ATXN7L1: variants seen among roughly 807,000 people sequenced by gnomAD.
ATXN7L1 encodes ataxin 7 like 1.
A neutral mutation model predicts 70.8 loss-of-function variants in ATXN7L1; 15 were observed. The ratio of observed to expected loss-of-function variants is 0.21; its 90% CI spans 0.14 to 0.33. The LOEUF is 0.33. ATXN7L1 is among the 10% of genes least tolerant of loss of function. The pLI is 1.00. For synonymous variants in ATXN7L1, 440 were observed against 445.1 expected, an observed-to-expected ratio of 0.99 and a Z score of 0.14; for missense variants, 975 against 1,097.1, an observed-to-expected ratio of 0.89 and a Z score of 1.57.
chr7:105,807,367 C>T (rs1807764113), intron 2 of ATXN7L1, among the ~76,000 whole-genome samples: 1 of 152,212 alleles, frequency 6.6e-6, no homozygotes, highest in Non-Finnish European at 1.5e-5. Context: ...CTCCACTGCA[C>T]TTCCCTGCCT....
chr7:105,630,685 C>G (rs1796454171), intron 7 of ATXN7L1, among the ~76,000 whole-genome samples: 1 of 151,342 alleles, frequency 6.6e-6, no homozygotes, highest in African/African-American at 2.4e-5. Context: ...CCACTGCACT[C>G]TAGCCTGGGG....
Position 105,614,177 on chromosome 7 carries a change from C to A in ATXN7L1, c.2157G>T (p.Arg719=), listed in dbSNP as rs750611744. Residue 719 remains arginine (R), a synonymous_variant, in exon 10 of 12, where the codon CGG becomes CGT. Coordinates refer to ENST00000419735, the MANE Select transcript of ATXN7L1 (RefSeq NM_020725.2). The surrounding 1 kb of genome is among the most constrained non-coding windows in gnomAD (Gnocchi z 4.3). Reference sequence around the variant, plus strand: ...CCGCGGGGCCGCCGGGCAGCGAGGTCCGTCCTGAGGGCTCCAGTTTGGCAC... The same window carrying A: ...CCGCGGGGCCGCCGGGCAGCGAGGTACGTCCTGAGGGCTCCAGTTTGGCAC... ...PLSAKLEPSG[R]TSLPGGPADI... is the part of the protein sequence containing the mutation. 1.3e-6 allele frequency: 2 copies of A among 1,551,700 alleles called. No homozygotes were observed. The highest frequency in any genetic ancestry group is 1.7e-4 in the Middle Eastern group (1 of 5,992).
intron 3 of ATXN7L1, among the ~76,000 whole-genome samples, chr7:105,723,142 T>C (rs915139474): frequency 6.6e-6 from 1 of 152,196 alleles, no homozygotes; most frequent in African/African-American, 2.4e-5. Flanking sequence ...TATCATTTCA[T>C]ACTGAGGTCT....
intron 7 of ATXN7L1, among the ~76,000 whole-genome samples, chr7:105,632,557 C>T (rs1796746049): frequency 6.6e-6 from 1 of 151,986 alleles, no homozygotes; most frequent in Non-Finnish European, 1.5e-5. Context: ...GAAAACATCC[C>T]AGAAGAGGAT....
At chr7:105,875,729 G>C in intron 2 of ATXN7L1, 83 bp downstream of exon 2, 1 of 1,322,206 alleles carries the variant, frequency 7.6e-7, no homozygotes, top group South Asian at 1.2e-5. Flanking sequence ...TCTGTACCCA[G>C]CAGAACAATT....
chr7:105,801,756 G>T (rs182397961), intron 2 of ATXN7L1, among the ~76,000 whole-genome samples: 1 of 152,242 alleles, frequency 6.6e-6, no homozygotes, highest in East Asian at 1.9e-4. Flanking sequence ...ACAGCCAATT[G>T]TGCACATCTT....
intron 3 of ATXN7L1, among the ~76,000 whole-genome samples, chr7:105,682,822 T>A (rs759091009): frequency 6.6e-6 from 1 of 152,084 alleles, no homozygotes; most frequent in Non-Finnish European, 1.5e-5. Flanking sequence ...GGGTATGAGG[T>A]TTTATTTTGG....
intron 2 of ATXN7L1, among the ~76,000 whole-genome samples, chr7:105,821,018 A>G (rs757942967): frequency 7.2e-5 from 11 of 152,216 alleles, no homozygotes; most frequent in Non-Finnish European, 1.6e-4. Context: ...CTGTAAGCCA[A>G]TGAAACCTCT....
rs139573463 is a variant in ATXN7L1 at position 105,620,857 on chromosome 7, T to C, written c.1396-536A>G. Among the ~76,000 whole-genome samples, 1,302 of 146,196 alleles carry C rather than the reference T, an allele frequency of 8.9e-3. 21 individuals are homozygous for C. The highest frequency in any genetic ancestry group is 0.032 in the African/African-American group (1,248 of 39,466). On this transcript the variant is annotated intron_variant, in intron 8 of 11. Transcript: ENST00000419735. ...TTGCAGTGAGCTGAGACTGTGCCAC[T>C]GCACTCCAGCCTGGGTGACAGGCTG...
intron 3 of ATXN7L1, among the ~76,000 whole-genome samples, chr7:105,740,487 C>T (rs927654836): frequency 3.3e-5 from 5 of 152,164 alleles, no homozygotes; most frequent in African/African-American, 4.8e-5. Flanking sequence ...AAAGCACTCA[C>T]AAAATACCAG....
At chr7:105,757,685 C>T (rs377502752) in intron 3 of ATXN7L1, among the ~76,000 whole-genome samples, 3 of 150,654 alleles carry the variant, frequency 2.0e-5, no homozygotes, top group Non-Finnish European at 3.0e-5. Context: ...GCCCAAGGAG[C>T]GATCCTCCCA....
chr7:105,820,125 TCAAAAA>T, intron 2 of ATXN7L1: 1 of 28,906 alleles, frequency 3.5e-5, no homozygotes, highest in South Asian at 8.5e-4. Context: ...TGTTTATTCC[TCAAAAA>T]AAAAAAAAAA....
intron 11 of ATXN7L1, among the ~76,000 whole-genome samples, chr7:105,610,304 A>G (rs1793034560): frequency 6.6e-6 from 1 of 152,234 alleles, no homozygotes; most frequent in African/African-American, 2.4e-5. Context: ...GGTAGGGGCC[A>G]GTATGATCCC....
chr7:105,849,330 T>G (rs1390007200), intron 2 of ATXN7L1, among the ~76,000 whole-genome samples: 1 of 152,184 alleles, frequency 6.6e-6, no homozygotes, highest in Non-Finnish European at 1.5e-5. Flanking sequence ...TGGGGAGGGC[T>G]CTGGCAAGAA....
chr7:105,656,111 G>C (rs1019176916), intron 4 of ATXN7L1, among the ~76,000 whole-genome samples: 1 of 152,186 alleles, frequency 6.6e-6, no homozygotes, highest in Non-Finnish European at 1.5e-5. Flanking sequence ...CTACAACTGT[G>C]GGTCTGAGTT....
intron 3 of ATXN7L1, among the ~76,000 whole-genome samples, chr7:105,740,497 G>A (rs1797875403): frequency 6.6e-6 from 1 of 152,106 alleles, no homozygotes; most frequent in Admixed American, 6.5e-5. Flanking sequence ...CAAAATACCA[G>A]TATCCACTCC....
In ATXN7L1 at chr7:105,629,237, T is replaced by C. The variant is rs73408824; in HGVS notation, c.1203-4970A>G. Reference sequence around the variant, plus strand: ...ATTAGATCCCTTGAATGTATTCATCTTGTAACTGAAAGTTGTCTAGTATCT... The same window carrying C: ...ATTAGATCCCTTGAATGTATTCATCCTGTAACTGAAAGTTGTCTAGTATCT... On this transcript the variant is annotated intron_variant, in intron 7 of 11. Transcript: ENST00000419735. Among the ~76,000 whole-genome samples the C allele has an allele frequency of 5.9e-5, 9 of 152,260 alleles. No individual in the cohort carries two copies. The South Asian group carries it at 1.4e-3, about 25-fold the overall frequency.
intron 7 of ATXN7L1, among the ~76,000 whole-genome samples, chr7:105,627,834 G>A (rs1467199671): frequency 8.0e-6 from 1 of 124,402 alleles, no homozygotes; most frequent in Non-Finnish European, 1.6e-5. Flanking sequence ...GCCCGGTCCT[G>A]TCTTTAGTTT....
chr7:105,717,489 A>G (rs1794708885), intron 3 of ATXN7L1, among the ~76,000 whole-genome samples: 2 of 152,182 alleles, frequency 1.3e-5, no homozygotes, highest in African/African-American at 4.8e-5. Context: ...TGTTATTCAT[A>G]TTGGTTGCAA....
Sources: allele counts gnomAD v4.1 joint callset (sites outside exome capture counted in the v4.1 genomes callset), GRCh38; gene constraint gnomAD v4.1.1; non-coding constraint Gnocchi (gnomAD v3.1); transcripts MANE v1.5; gene names NCBI Gene and HGNC (gene_info 2026-07-23, HGNC 2026-07-21).